The following SLC38A6 variants were observed in gnomAD, a reference collection of about 807,000 sequenced individuals.
SLC38A6 encodes N system amino acid transporter NAT-1.
Under a neutral mutation model 65.0 loss-of-function variants are expected in SLC38A6, and 73 were observed. The ratio of observed to expected loss-of-function variants is 1.12; its 90% CI spans 0.93 to 1.37. The LOEUF is 1.37. Among genes scored for constraint, SLC38A6 ranks in the 40% most tolerant of loss-of-function variants. The pLI is 0.00. For synonymous variants in SLC38A6, 183 were observed against 178.8 expected (o/e 1.02, Z -0.19); for missense variants, 561 against 531.1 (o/e 1.06, Z -0.55).
intron 5 of SLC38A6, among the ~76,000 whole-genome samples, chr14:61,026,402 T>C (rs975047158): frequency 1.3e-5 from 2 of 152,096 alleles, no homozygotes; most frequent in African/African-American, 4.8e-5. Context: ...TCCATGAATT[T>C]TGAACTAATC....
rs955642288 is a variant in SLC38A6 at position 61,006,705 on chromosome 14, A to C, written c.311-9199A>C. Among the ~76,000 whole-genome samples, 7 of 151,774 alleles carry C rather than the reference A, an allele frequency of 4.6e-5. No individual in the cohort carries two copies. In the East Asian group the frequency reaches 1.4e-3, roughly 30 times the overall value. On this transcript the variant is annotated intron_variant, in intron 3 of 15. Transcript: ENST00000267488. ...TGCTGGAGAGGATGTGGAGAAATAG[A>C]AACACTTACACTGTTGGTGGGACTG...
downstream of SLC38A6, among the ~76,000 whole-genome samples, chr14:61,054,832 C>T (rs1476980220): frequency 6.6e-6 from 1 of 152,086 alleles, no homozygotes; most frequent in Non-Finnish European, 1.5e-5. Flanking sequence ...TCCTCTCTTC[C>T]TATTTGGATG....
chr14:61,016,414 T>C (rs1025016936), intron 4 of SLC38A6, among the ~76,000 whole-genome samples: 1 of 152,190 alleles, frequency 6.6e-6, no homozygotes, highest in Non-Finnish European at 1.5e-5. Context: ...CTAGCTATCC[T>C]CTCATTTATA....
intron 6 of SLC38A6, among the ~76,000 whole-genome samples, chr14:61,033,560 C>T (rs1410223942): frequency 6.6e-6 from 1 of 152,010 alleles, no homozygotes; most frequent in Non-Finnish European, 1.5e-5. Context: ...TGCTTATTTA[C>T]AAAATAAATG....
At chr14:61,069,232 A>G (rs1428489426) in intron 15 of SLC38A6, among the ~76,000 whole-genome samples, 1 of 151,906 alleles carries the variant, frequency 6.6e-6, no homozygotes, top group Non-Finnish European at 1.5e-5. Context: ...CTTCCAGCCC[A>G]TTTTGCCTGT....
At position 61,050,580 on chromosome 14, in the gene SLC38A6, G is replaced by C; in HGVS notation, c.994G>C (p.Val332Leu). 1 of 1,597,482 alleles carries C rather than the reference G, an allele frequency of 6.3e-7. No individual in the cohort carries two copies. The highest frequency in any genetic ancestry group is 8.6e-7 in the Non-Finnish European group (1 of 1,168,890). Residue 332 changes from valine to leucine, a missense_variant, in exon 13 of 16, where the codon GTG becomes CTG. Physicochemically the swap from Val to Leu is conservative, Grantham distance 32 (BLOSUM62 1). Coordinates refer to ENST00000267488, the MANE Select transcript of SLC38A6 (RefSeq NM_153811.3). Reference protein sequence around the residue: ...YLSHDVVVMTVKLCILFAVLL... With the variant: ...YLSHDVVVMTLKLCILFAVLL... ...ATCACATGATGTTGTTGTCATGACTGTGAAGTTATGCATACTATTTGCTGT... is the reference window on the plus strand; with the variant it reads ...ATCACATGATGTTGTTGTCATGACTCTGAAGTTATGCATACTATTTGCTGT...
At chr14:61,048,187 G>C (rs1308548452) in intron 12 of SLC38A6, 1 of 451,490 alleles carries the variant, frequency 2.2e-6, no homozygotes, top group Non-Finnish European at 4.4e-6. Context: ...AGAAATTGCT[G>C]GTTGAACCTG....
At chr14:61,016,391 G>A (rs559404696) in intron 4 of SLC38A6, among the ~76,000 whole-genome samples, 2 of 152,220 alleles carry the variant, frequency 1.3e-5, no homozygotes, top group South Asian at 4.1e-4. Context: ...ATTGAACATT[G>A]CTACAAGATT....
At chr14:61,031,527 C>T (rs1194472445) in intron 6 of SLC38A6, among the ~76,000 whole-genome samples, 1 of 151,994 alleles carries the variant, frequency 6.6e-6, no homozygotes, top group Non-Finnish European at 1.5e-5. Context: ...AAGTAGAAGT[C>T]CTAAATGATT....
intron 3 of SLC38A6, among the ~76,000 whole-genome samples, chr14:60,986,139 G>A (rs1479625063): frequency 6.6e-6 from 1 of 152,210 alleles, no homozygotes; most frequent in African/African-American, 2.4e-5. Flanking sequence ...TGAAACAGGT[G>A]AGTGAAGCCC....
intron 15 of SLC38A6, among the ~76,000 whole-genome samples, chr14:61,067,874 G>T (rs191896630): frequency 6.6e-6 from 1 of 151,836 alleles, no homozygotes; most frequent in Non-Finnish European, 1.5e-5. Context: ...CACCATTCCC[G>T]CTTTTGTGAC....
Position 61,016,061 on chromosome 14 carries a change from A to C in SLC38A6, c.363+105A>C, listed in dbSNP as rs1035398810. On this transcript the variant is annotated intron_variant, in intron 4 of 15. Coordinates refer to ENST00000267488, the MANE Select transcript of SLC38A6 (RefSeq NM_153811.3). ...TATACAAGAGGAAGACATTAGAGGA[A>C]TAAAAGGAAACTAAAGTGAGAAAAG... 3 of 736,446 alleles carry C rather than the reference A, an allele frequency of 4.1e-6. No homozygotes were observed. The African/African-American group carries it at 5.4e-5, about 13-fold the overall frequency. 45.6% of individuals were successfully genotyped at this position (736,446 alleles called of 1,614,324 possible). A position where few individuals can be genotyped will look rare whatever the true frequency, so the allele number is the denominator to read the frequency against.
intron 6 of SLC38A6, among the ~76,000 whole-genome samples, chr14:61,032,587 C>G (rs1042918368): frequency 1.3e-5 from 2 of 151,874 alleles, no homozygotes; most frequent in Admixed American, 1.3e-4. Flanking sequence ...TTTGCATCAT[C>G]TCTGTTATGT....
At chr14:61,017,835 T>C (rs1034471247) in intron 4 of SLC38A6, among the ~76,000 whole-genome samples, 7 of 152,216 alleles carry the variant, frequency 4.6e-5, no homozygotes, top group African/African-American at 7.2e-5. Context: ...TGTTGTTTGG[T>C]TGCTTGTTTA....
At chr14:61,020,036 T>G (rs1481446956) in intron 5 of SLC38A6, among the ~76,000 whole-genome samples, 1 of 152,162 alleles carries the variant, frequency 6.6e-6, no homozygotes, top group Non-Finnish European at 1.5e-5. Context: ...CCAAGTGGTT[T>G]AAAACATAAA....
chr14:60,984,706 A>T, intron 2 of SLC38A6, 24 bp from the exon 3 acceptor site: 1 of 1,612,838 alleles, frequency 6.2e-7, no homozygotes, highest in Non-Finnish European at 8.5e-7. Context: ...GGAGGTTTTG[A>T]CCAGGTGTTC....
intron 15 of SLC38A6, among the ~76,000 whole-genome samples, chr14:61,075,222 G>T (rs962049328): frequency 1.4e-4 from 21 of 152,202 alleles, no homozygotes; most frequent in Admixed American, 2.6e-4. Flanking sequence ...TAATTTGCCT[G>T]TCTCTGTCTC....
chr14:61,069,375 T>C (rs1272177820), intron 15 of SLC38A6, among the ~76,000 whole-genome samples: 2 of 152,096 alleles, frequency 1.3e-5, no homozygotes, highest in Admixed American at 1.3e-4. Context: ...TCCCAGATAA[T>C]GGCTCGCTAC....
chr14:61,040,947 C>CAAT (rs1054986027), intron 8 of SLC38A6, among the ~76,000 whole-genome samples: 2 of 151,804 alleles, frequency 1.3e-5, no homozygotes, highest in Non-Finnish European at 2.9e-5. Flanking sequence ...ACAGTGTGTG[C>CAAT]AATATATAAA....
Sources: gnomAD v4.1 joint callset for allele counts (sites outside exome capture counted in the v4.1 genomes callset) on GRCh38, gnomAD v4.1.1 for gene constraint, MANE v1.5 for transcripts, NCBI Gene and HGNC (gene_info 2026-07-23, HGNC 2026-07-21) for gene names.